ILRUN: variants seen among roughly 807,000 people sequenced by gnomAD.
The protein encoded by ILRUN is protein ILRUN.
Under a neutral mutation model 33.8 loss-of-function variants are expected in ILRUN, and 3 were observed. That is an observed-to-expected ratio of 0.09 (90% CI 0.04 to 0.23). ILRUN has a LOEUF of 0.23. Ranked by LOEUF, ILRUN falls within the 10% of genes least tolerant of loss-of-function variation. The pLI is 1.00. For synonymous variants in ILRUN, 124 were observed against 138.9 expected (o/e 0.89, Z 0.75); for missense variants, 210 against 375.1 (o/e 0.56, Z 3.64).
At chr6:34,660,138 CAAA>C (rs35747437) in intron 1 of ILRUN, among the ~76,000 whole-genome samples, 1 of 132,394 alleles carries the variant, frequency 7.6e-6, no homozygotes, top group Admixed American at 7.7e-5. Context: ...CTCATCCCTT[CAAA>C]AAAAAAAAAA....
At position 34,607,839 on chromosome 6, in the gene ILRUN, C is replaced by T. The variant is rs187250407; in HGVS notation, c.512-935G>A. ...CCAGGCCAGATTTCATGTCTGTAATCCTGGGCATTCTGGGAGGTCTAGGCA... is the reference window on the plus strand; with the variant it reads ...CCAGGCCAGATTTCATGTCTGTAATTCTGGGCATTCTGGGAGGTCTAGGCA... On this transcript the variant is annotated intron_variant, in intron 3 of 4. Coordinates refer to ENST00000374023, the MANE Select transcript of ILRUN (RefSeq NM_024294.4). Among the ~76,000 whole-genome samples, 235 of 152,226 alleles carry T rather than the reference C, an allele frequency of 1.5e-3. 1 individual carries two copies. The highest frequency in any genetic ancestry group is 5.3e-3 in the African/African-American group (219 of 41,524).
At chr6:34,677,386 ATGAC>A (rs1181384009) in intron 1 of ILRUN, among the ~76,000 whole-genome samples, 10 of 152,278 alleles carry the variant, frequency 6.6e-5, no homozygotes, top group Non-Finnish European at 1.3e-4. Flanking sequence ...AAAACAATAA[ATGAC>A]TGATGAAGTT....
chr6:34,624,800 C>A (rs1465507424), intron 3 of ILRUN, among the ~76,000 whole-genome samples: 1 of 152,112 alleles, frequency 6.6e-6, no homozygotes, highest in African/African-American at 2.4e-5. Context: ...GAAACTCAAA[C>A]CCTATTTTGG....
intron 1 of ILRUN, among the ~76,000 whole-genome samples, chr6:34,692,290 C>A (rs1462080554): frequency 1.3e-5 from 2 of 152,198 alleles, no homozygotes; most frequent in Non-Finnish European, 2.9e-5. Flanking sequence ...GACTCAGGGT[C>A]TTCGCTTTTC....
intron 1 of ILRUN, among the ~76,000 whole-genome samples, chr6:34,678,836 C>CAAAAAAAAAAAAAAAAAAAAAAAAAA (rs767799882): frequency 2.1e-5 from 1 of 47,884 alleles, no homozygotes; most frequent in Non-Finnish European, 4.0e-5. Context: ...GACTCCGTCT[C>CAAAAAAAAAAAAAAAAAAAAAAAAAA]AAAAAAAAAA....
chr6:34,636,790 T>C (rs1762375054), intron 3 of ILRUN, among the ~76,000 whole-genome samples: 1 of 152,208 alleles, frequency 6.6e-6, no homozygotes, highest in South Asian at 2.1e-4. Flanking sequence ...GCTTACTTCC[T>C]TATTTATAAG....
At chr6:34,688,687 C>T (rs1209229015) in intron 1 of ILRUN, among the ~76,000 whole-genome samples, 1 of 152,092 alleles carries the variant, frequency 6.6e-6, no homozygotes, top group African/African-American at 2.4e-5. Flanking sequence ...ATCTTGCACG[C>T]CTGTAATCCC....
intron 2 of ILRUN, among the ~76,000 whole-genome samples, chr6:34,647,498 T>C (rs1198346005): frequency 6.6e-6 from 1 of 152,048 alleles, no homozygotes; most frequent in Non-Finnish European, 1.5e-5. Flanking sequence ...TTGGAGGTAC[T>C]TGCGGATAGG....
chr6:34,694,851 C>T (rs1581566570), intron 1 of ILRUN, among the ~76,000 whole-genome samples: 3 of 152,124 alleles, frequency 2.0e-5, no homozygotes, highest in Admixed American at 2.0e-4. Flanking sequence ...AGTTCAAGAT[C>T]AGCCTGACCA....
intron 1 of ILRUN, among the ~76,000 whole-genome samples, chr6:34,655,314 C>T (rs1025876375): frequency 5.9e-5 from 9 of 152,098 alleles, no homozygotes; most frequent in African/African-American, 2.2e-4. Flanking sequence ...AATATGTGCA[C>T]ATAATACAGA....
At chr6:34,601,012 G>C (rs1761496127) in intron 4 of ILRUN, among the ~76,000 whole-genome samples, 1 of 152,126 alleles carries the variant, frequency 6.6e-6, no homozygotes, top group East Asian at 1.9e-4. Flanking sequence ...GTAAAGGAGT[G>C]ATAATAACAA....
chr6:34,618,013 T>C (rs1254502008), intron 3 of ILRUN, among the ~76,000 whole-genome samples: 1 of 152,184 alleles, frequency 6.6e-6, no homozygotes, highest in Non-Finnish European at 1.5e-5. Context: ...TATGAGATTT[T>C]CCCTTAAACA....
In ILRUN at chr6:34,682,258, T is replaced by TTTTTTTTGTTTTG. The variant is rs1554189573; in HGVS notation, c.158+14187_158+14188insCAAAACAAAAAAA. 5.2e-4 allele frequency among the ~76,000 whole-genome samples: 29 copies of TTTTTTTTGTTTTG among 55,500 alleles called. 1 individual carries two copies. Among genetic ancestry groups the TTTTTTTTGTTTTG allele is most frequent in the African/African-American group, 3.7e-3 (28 of 7,548 alleles). The allele number at this position is 55,500 out of a possible 152,430, so 36.4% of individuals were successfully genotyped here. On this transcript the variant is annotated intron_variant, in intron 1 of 4. Transcript: ENST00000374023. The stretch of plus-strand genomic sequence containing the variant: ...CAGCTCCCTGCAACCTCTGTTTTTT[T>TTTTTTTTGTTTTG]TTTTTTTTTTTTTTTTTTTGAGACA...
intron 1 of ILRUN, among the ~76,000 whole-genome samples, chr6:34,664,104 G>C (rs146006010): frequency 3.6e-4 from 55 of 152,242 alleles, no homozygotes; most frequent in African/African-American, 1.2e-3. Context: ...TGTTGATGAC[G>C]CCATGATTTT....
At chr6:34,605,318 CAAAAAAA>C (rs78612898) in intron 4 of ILRUN, among the ~76,000 whole-genome samples, 2 of 74,148 alleles carry the variant, frequency 2.7e-5, no homozygotes, top group South Asian at 6.0e-4. Context: ...AAAACAAAAA[CAAAAAAA>C]AAAAAAAAAA....
chr6:34,690,322 G>A (rs936867490), intron 1 of ILRUN, among the ~76,000 whole-genome samples: 4 of 152,044 alleles, frequency 2.6e-5, no homozygotes, highest in Non-Finnish European at 5.9e-5. Flanking sequence ...TTAGCCAGGC[G>A]TGGTGGCCCA....
At chr6:34,665,399 A>G (rs1221225930) in intron 1 of ILRUN, among the ~76,000 whole-genome samples, 3 of 151,628 alleles carry the variant, frequency 2.0e-5, no homozygotes, top group Admixed American at 2.0e-4. Context: ...GCAAGCTGTT[A>G]TTGTACCACT....
At chr6:34,615,623 T>C (rs780537152) in intron 3 of ILRUN, among the ~76,000 whole-genome samples, 1 of 151,840 alleles carries the variant, frequency 6.6e-6, no homozygotes, top group Non-Finnish European at 1.5e-5. Flanking sequence ...AAAACTGCAA[T>C]AGAGCTGATG....
At chr6:34,609,801 G>A (rs143068348) in intron 3 of ILRUN, among the ~76,000 whole-genome samples, 272 of 152,176 alleles carry the variant, frequency 1.8e-3, no homozygotes, top group African/African-American at 6.0e-3. Flanking sequence ...GGAAATTAAA[G>A]CCACCAGCAG....
Sources: allele counts gnomAD v4.1 joint callset (sites outside exome capture counted in the v4.1 genomes callset), GRCh38; gene constraint gnomAD v4.1.1; transcripts MANE v1.5; gene names NCBI Gene and HGNC (gene_info 2026-07-23, HGNC 2026-07-21).